The following RSBN1L variants were observed in gnomAD, a reference collection of about 807,000 sequenced individuals.
The protein encoded by RSBN1L is round spermatid basic protein 1 like, also known as lysine-specific demethylase RSBN1L.
RSBN1L carries 30 observed loss-of-function variants against 67.7 expected under a neutral mutation model. The ratio of observed to expected loss-of-function variants is 0.44; its 90% CI spans 0.33 to 0.60. The LOEUF (loss-of-function observed/expected upper bound fraction) is 0.60, where lower values mean the gene tolerates loss of function less well. RSBN1L is among the 20% of genes least tolerant of loss of function. The pLI, the probability that RSBN1L is intolerant of heterozygous loss-of-function variation, is 0.02. For missense variants in RSBN1L, 992 were observed against 1,031.7 expected (o/e 0.96, Z 0.53); for synonymous variants, 433 against 387.0 (o/e 1.12, Z -1.39).
intron 2 of RSBN1L, among the ~76,000 whole-genome samples, chr7:77,739,941 A>G (rs906596176): frequency 2.0e-5 from 3 of 150,626 alleles, no homozygotes; most frequent in African/African-American, 7.3e-5. Flanking sequence ...TAGTAGAGAC[A>G]GGGTTTCACC....
intron 1 of RSBN1L, among the ~76,000 whole-genome samples, chr7:77,698,324 T>C (rs1790768984): frequency 6.6e-6 from 1 of 152,230 alleles, no homozygotes; most frequent in South Asian, 2.1e-4. Flanking sequence ...TTGGTACTTT[T>C]AGTCAGGAAT....
At chr7:77,770,622 A>G (rs1246128655) in intron 5 of RSBN1L, among the ~76,000 whole-genome samples, 1 of 152,132 alleles carries the variant, frequency 6.6e-6, no homozygotes, top group Admixed American at 6.5e-5. Context: ...TTGAGGCTGC[A>G]GTAAGCTATG....
Position 77,710,591 on chromosome 7 carries a change from CTTGT to C in RSBN1L, c.586+13543_586+13546del, listed in dbSNP as rs532805635. ...ATCCTGACTTTCTTTGCTTCATTTT[CTTGT>C]TTGTTTTTTGTTTTTTTTGAGATAG... is the stretch of plus-strand genomic sequence containing the variant. On this transcript the variant is annotated intron_variant, in intron 1 of 7. Coordinates refer to ENST00000334955, the MANE Select transcript of RSBN1L (RefSeq NM_198467.3). Among the ~76,000 whole-genome samples the C allele has an allele frequency of 1.9e-3, 289 of 151,992 alleles. 2 individuals carry two copies. The highest frequency in any genetic ancestry group is 5.0e-4 in the Non-Finnish European group (34 of 67,946).
At chr7:77,773,442 A>G in intron 6 of RSBN1L, 128 bp downstream of exon 6, 1 of 572,110 alleles carries the variant, frequency 1.7e-6, no homozygotes, top group Non-Finnish European at 2.8e-6. Context: ...TGGATATCTT[A>G]ATTGTATAAT....
rs183003774 is a variant in RSBN1L at position 77,768,525 on chromosome 7, A to C, written c.1483-136A>C. 436 of 729,854 alleles carry C rather than the reference A, an allele frequency of 6.0e-4. 2 individuals carry two copies. In the African/African-American group the frequency reaches 6.4e-3, roughly 11 times the overall value. 45.2% of individuals were successfully genotyped at this position (729,854 alleles called of 1,614,324 possible). A position where few individuals can be genotyped will look rare whatever the true frequency, so the allele number is the denominator to read the frequency against. ...ATATCAATATATAGGGATATATTCAATATTATGTATTTCAGATGCTTAAGT... is the reference window on the plus strand; with the variant it reads ...ATATCAATATATAGGGATATATTCACTATTATGTATTTCAGATGCTTAAGT... On this transcript the variant is annotated intron_variant, in intron 4 of 7. Transcript: ENST00000334955.
intron 1 of RSBN1L, among the ~76,000 whole-genome samples, chr7:77,716,532 A>C (rs1210349862): frequency 4.1e-5 from 6 of 146,080 alleles, no homozygotes; most frequent in Non-Finnish European, 1.5e-5. Context: ...CACGCTCTAG[A>C]TATTTTCATT....
At chr7:77,733,592 T>C (rs927151719) in intron 1 of RSBN1L, among the ~76,000 whole-genome samples, 1 of 151,976 alleles carries the variant, frequency 6.6e-6, no homozygotes, top group Admixed American at 6.6e-5. Flanking sequence ...TTAAATAAAT[T>C]AAATATATTC....
intron 4 of RSBN1L, chr7:77,768,360 C>T (rs1791802329): frequency 4.7e-6 from 1 of 214,262 alleles, no homozygotes; most frequent in Non-Finnish European, 9.2e-6. Context: ...AGTCCGTTAA[C>T]ATCATATGAT....
intron 1 of RSBN1L, among the ~76,000 whole-genome samples, chr7:77,720,763 C>CTTTTTTTTTTTTTTTTTT (rs34070122): frequency 1.1e-4 from 12 of 104,368 alleles, no homozygotes; most frequent in East Asian, 2.4e-4. Context: ...TTTTCTTTTT[C>CTTTTTTTTTTTTTTTTTT]TTTTTTTTTT....
chr7:77,724,397 T>A (rs995571395), intron 1 of RSBN1L, among the ~76,000 whole-genome samples: 1 of 151,894 alleles, frequency 6.6e-6, no homozygotes, highest in African/African-American at 2.4e-5. Flanking sequence ...GTACAAATAA[T>A]ACATAATATA....
Position 77,768,643 on chromosome 7 carries a change from ATAAT to A in RSBN1L, c.1483-15_1483-12del. 1 of 1,603,598 alleles carries A rather than the reference ATAAT, an allele frequency of 6.2e-7. No homozygotes were observed. The highest frequency in any genetic ancestry group is 8.5e-7 in the Non-Finnish European group (1 of 1,172,568). ...CATTTTGAAAATAATTGCAATCTGC[ATAAT>A]TATTTATCTCCAGTGTACACTGCCA... On this transcript the variant is annotated splice_polypyrimidine_tract_variant and intron_variant, in intron 4 of 7. Coordinates refer to ENST00000334955, the MANE Select transcript of RSBN1L (RefSeq NM_198467.3).
chr7:77,728,417 C>G (rs532869091), intron 1 of RSBN1L, among the ~76,000 whole-genome samples: 1 of 152,234 alleles, frequency 6.6e-6, no homozygotes, highest in East Asian at 1.9e-4. Flanking sequence ...CCATAGTTAC[C>G]TGATCTTTTA....
chr7:77,732,966 A>T (rs941417190), intron 1 of RSBN1L, among the ~76,000 whole-genome samples: 1 of 152,098 alleles, frequency 6.6e-6, no homozygotes, highest in African/African-American at 2.4e-5. Context: ...CTGCCATGTA[A>T]CATGACTACA....
chr7:77,751,780 C>T (rs1286931976), intron 3 of RSBN1L, among the ~76,000 whole-genome samples: 1 of 152,188 alleles, frequency 6.6e-6, no homozygotes, highest in Non-Finnish European at 1.5e-5. Context: ...GAAGAGATAA[C>T]ATGTTCAAAG....
chr7:77,780,806 G>T lies in RSBN1L; in HGVS notation c.*1638G>T, dbSNP rs754495918. The stretch of plus-strand genomic sequence containing the variant: ...GACGGATTGACAGTGCCTAACTAAA[G>T]ATGAGTAAAACAGACCTCTTTAATG... On this transcript the variant is annotated 3_prime_UTR_variant, in exon 8 of 8. Transcript: ENST00000334955. 6 of 152,222 alleles carry T rather than the reference G, an allele frequency of 3.9e-5. No individual in the cohort carries two copies. The highest frequency in any genetic ancestry group is 7.3e-5 in the Non-Finnish European group (5 of 68,048). 9.4% of individuals were successfully genotyped at this position (152,222 alleles called of 1,614,324 possible). A position where few individuals can be genotyped will look rare whatever the true frequency, so the allele number is the denominator to read the frequency against.
chr7:77,751,290 C>CCACCGTGCCTG (rs1554341051), intron 3 of RSBN1L, among the ~76,000 whole-genome samples: 9 of 151,780 alleles, frequency 5.9e-5, no homozygotes, highest in Non-Finnish European at 2.9e-5. Flanking sequence ...CAGACATGCA[C>CCACCGTGCCTG]CACCATGCCT....
At chr7:77,722,783 G>A (rs1791136661) in intron 1 of RSBN1L, among the ~76,000 whole-genome samples, 1 of 151,834 alleles carries the variant, frequency 6.6e-6, no homozygotes, top group South Asian at 2.1e-4. Context: ...GGTGGGGAAT[G>A]TCATTGTTGT....
intron 1 of RSBN1L, among the ~76,000 whole-genome samples, chr7:77,707,660 A>G (rs1201902535): frequency 6.6e-6 from 1 of 152,182 alleles, no homozygotes; most frequent in East Asian, 1.9e-4. Flanking sequence ...GTTCACTATT[A>G]CTCAATTTTC....
At chr7:77,733,344 T>A (rs1791294643) in intron 1 of RSBN1L, among the ~76,000 whole-genome samples, 1 of 152,218 alleles carries the variant, frequency 6.6e-6, no homozygotes, top group Non-Finnish European at 1.5e-5. Context: ...GATGTTTTGA[T>A]ATCAGGAGGG....
Sources: gnomAD v4.1 joint callset for allele counts (sites outside exome capture counted in the v4.1 genomes callset) on GRCh38, gnomAD v4.1.1 for gene constraint, MANE v1.5 for transcripts, NCBI Gene and HGNC (gene_info 2026-07-23, HGNC 2026-07-21) for gene names.